The following MAP2 variants were observed in gnomAD, a reference collection of about 807,000 sequenced individuals.
MAP2 encodes microtubule-associated protein 2.
MAP2 carries 14 observed loss-of-function variants against 137.6 expected under a neutral mutation model. The observed-to-expected ratio is 0.10, with a 90% CI of 0.07 to 0.16. The LOEUF is 0.16. Among genes scored for constraint, MAP2 ranks in the 10% least tolerant of loss-of-function variants. The pLI, the probability that MAP2 is intolerant of heterozygous loss-of-function variation, is 1.00. For missense variants in MAP2, 2,088 were observed against 2,191.5 expected (o/e 0.95, Z 0.94); for synonymous variants, 786 against 782.3 (o/e 1.00, Z -0.08).
chr2:209,593,081 G>T (rs974123854), intron 3 of MAP2, among the ~76,000 whole-genome samples: 4 of 151,126 alleles, frequency 2.6e-5, no homozygotes, highest in African/African-American at 9.7e-5. Flanking sequence ...AATTATTTAG[G>T]TACTCATATA....
chr2:209,584,021 G>A (rs886570103), intron 3 of MAP2, among the ~76,000 whole-genome samples: 3 of 151,846 alleles, frequency 2.0e-5, no homozygotes, highest in East Asian at 1.9e-4. Context: ...GAGAATATGC[G>A]GTATTTGGTT....
At chr2:209,472,685 G>A (rs957880112) in intron 1 of MAP2, among the ~76,000 whole-genome samples, 1 of 151,652 alleles carries the variant, frequency 6.6e-6, no homozygotes. Context: ...TGAGGGAGGA[G>A]GAAAAAAAAC....
chr2:209,575,200 A>C (rs2075106534), intron 2 of MAP2, among the ~76,000 whole-genome samples: 1 of 152,106 alleles, frequency 6.6e-6, no homozygotes, highest in Non-Finnish European at 1.5e-5. Flanking sequence ...CTATAATAGA[A>C]ATTATAAAAC....
chr2:209,579,547 G>A (rs1392619699), intron 2 of MAP2: 4 of 152,160 alleles, frequency 2.6e-5, no homozygotes, highest in Admixed American at 1.3e-4. Context: ...TCTCCCACTC[G>A]CCTTATTTTC....
chr2:209,677,403 T>TAGATAGATAGACAGAC (rs148418603), intron 5 of MAP2, among the ~76,000 whole-genome samples: 20 of 146,446 alleles, frequency 1.4e-4, no homozygotes, highest in African/African-American at 4.9e-4. Flanking sequence ...GATAGATAGA[T>TAGATAGATAGACAGAC]AGACAGACAG....
intron 2 of MAP2, among the ~76,000 whole-genome samples, chr2:209,540,938 C>A (rs935866486): frequency 6.6e-6 from 1 of 150,954 alleles, no homozygotes; most frequent in African/African-American, 2.5e-5. Context: ...ACAATAGTTA[C>A]GTTTACACTA....
At chr2:209,512,012 C>T (rs1381920091) in intron 2 of MAP2, among the ~76,000 whole-genome samples, 1 of 152,068 alleles carries the variant, frequency 6.6e-6, no homozygotes, top group Non-Finnish European at 1.5e-5. Flanking sequence ...CTAATCTTTT[C>T]CTCTGGCTTA....
At chr2:209,677,823 T>TCAA (rs2052631002) in intron 5 of MAP2, among the ~76,000 whole-genome samples, 2 of 151,996 alleles carry the variant, frequency 1.3e-5, no homozygotes, top group Non-Finnish European at 1.5e-5. Context: ...CTTTAAAATA[T>TCAA]CAACTCTCTA....
intron 1 of MAP2, among the ~76,000 whole-genome samples, chr2:209,503,303 A>G (rs1023572289): frequency 2.0e-5 from 3 of 152,014 alleles, no homozygotes; most frequent in African/African-American, 7.2e-5. Flanking sequence ...GCCCAGCCCT[A>G]TATTTTGGAT....
At chr2:209,587,430 C>A (rs1282583336) in intron 3 of MAP2, among the ~76,000 whole-genome samples, 1 of 152,092 alleles carries the variant, frequency 6.6e-6, no homozygotes. Context: ...GTGACAGCAA[C>A]CTGCATCCCT....
chr2:209,560,837 T>C (rs2071877592), intron 2 of MAP2, among the ~76,000 whole-genome samples: 1 of 152,212 alleles, frequency 6.6e-6, no homozygotes, highest in African/African-American at 2.4e-5. Flanking sequence ...TTCAAGACTT[T>C]CTTGCTTTTG....
At chr2:209,520,584 TTTTG>T (rs1220285786) in intron 2 of MAP2, among the ~76,000 whole-genome samples, 2 of 152,028 alleles carry the variant, frequency 1.3e-5, no homozygotes, top group African/African-American at 4.8e-5. Context: ...TTTTATTTTG[TTTTG>T]TTTTTATTAA....
intron 2 of MAP2, among the ~76,000 whole-genome samples, chr2:209,508,697 G>T (rs898297747): frequency 2.0e-5 from 3 of 151,382 alleles, no homozygotes; most frequent in African/African-American, 7.3e-5. Flanking sequence ...GAAGCAAATA[G>T]AATATATTAA....
rs1293526747 is a variant in MAP2 at position 209,694,019 on chromosome 2, G to A, written c.1849G>A (p.Asp617Asn). ...DTMSPMHKNGDKEFQTGKESQ... is the reference protein window; with the variant it reads ...DTMSPMHKNGNKEFQTGKESQ... ...CATGTCTCCCATGCATAAAAATGGT[G>A]ACAAGGAGTTTCAAACAGGAAAAGA... The change falls in exon 8 of 16, where the codon GAC becomes AAC. Residue 617 changes from aspartate to asparagine, a missense_variant. Physicochemically the swap from Asp to Asn is conservative, Grantham distance 23. Transcript: ENST00000682079. 1.2e-6 allele frequency: 2 copies of A among 1,613,802 alleles called. No homozygotes were observed. The highest frequency in any genetic ancestry group is 1.7e-6 in the Non-Finnish European group (2 of 1,179,968).
intron 2 of MAP2, among the ~76,000 whole-genome samples, chr2:209,574,572 T>C (rs2075000503): frequency 6.6e-6 from 1 of 152,212 alleles, no homozygotes; most frequent in Non-Finnish European, 1.5e-5. Flanking sequence ...AGTCATTTTG[T>C]ACAACTCACG....
chr2:209,542,305 C>T (rs1185485450), intron 2 of MAP2, among the ~76,000 whole-genome samples: 1 of 152,214 alleles, frequency 6.6e-6, no homozygotes, highest in African/African-American at 2.4e-5. Flanking sequence ...GATATGCTAT[C>T]ATCCAGGCTT....
intron 2 of MAP2, among the ~76,000 whole-genome samples, chr2:209,552,006 T>C (rs1468112623): frequency 6.6e-6 from 1 of 152,218 alleles, no homozygotes; most frequent in East Asian, 1.9e-4. Flanking sequence ...TAAGATTAAA[T>C]GGCTCAAAGT....
At chr2:209,526,426 A>G (rs1418576632) in intron 2 of MAP2, among the ~76,000 whole-genome samples, 1 of 151,864 alleles carries the variant, frequency 6.6e-6, no homozygotes, top group East Asian at 1.9e-4. Context: ...ATGTGAGTAC[A>G]TAGAGAGAAA....
At position 209,730,435 on chromosome 2, in the gene MAP2, C is replaced by A; in HGVS notation, c.*38C>A. 6.7e-7 allele frequency: 1 copy of A among 1,500,716 alleles called. No individual in the cohort carries two copies. Among genetic ancestry groups the A allele is most frequent in the Non-Finnish European group, 9.2e-7 (1 of 1,084,596 alleles). 93.0% of individuals were successfully genotyped at this position (1,500,716 alleles called of 1,614,324 possible). On this transcript the variant is annotated 3_prime_UTR_variant, in exon 16 of 16. Transcript: ENST00000682079. Reference sequence around the variant, plus strand: ...TAGCATTGAAATAATAATATTTAGGCATGAGCTCTTGGCAGGAGTGGGCTC... The same window carrying A: ...TAGCATTGAAATAATAATATTTAGGAATGAGCTCTTGGCAGGAGTGGGCTC...
Sources: allele counts gnomAD v4.1 joint callset (sites outside exome capture counted in the v4.1 genomes callset), GRCh38; gene constraint gnomAD v4.1.1; transcripts MANE v1.5; gene names NCBI Gene and HGNC (gene_info 2026-07-23, HGNC 2026-07-21).